PCDHGB5: variants seen among roughly 807,000 people sequenced by gnomAD.
PCDHGB5 encodes protocadherin gamma subfamily B, 5, also known as protocadherin gamma-B5.
Under a neutral mutation model 62.9 loss-of-function variants are expected in PCDHGB5, and 48 were observed. The ratio of observed to expected loss-of-function variants is 0.76; its 90% CI spans 0.61 to 0.97. The LOEUF (loss-of-function observed/expected upper bound fraction) is 0.97, where lower values mean the gene tolerates loss of function less well. Ranked by LOEUF, PCDHGB5 falls within the 50% of genes least tolerant of loss-of-function variation. PCDHGB5 has a pLI of 0.00. For synonymous variants in PCDHGB5, 474 were observed against 511.2 expected, an observed-to-expected ratio of 0.93 and a Z score of 0.98; for missense variants, 1,118 against 1,198.6, an observed-to-expected ratio of 0.93 and a Z score of 0.99.
intron 1 of PCDHGB5, chr5:141,426,908 G>C (rs1047101179): frequency 8.8e-6 from 4 of 456,612 alleles, no homozygotes; most frequent in African/African-American, 6.0e-5. Context: ...CTCATCTCCT[G>C]GTCCTGGAAG....
At position 141,421,975 on chromosome 5, in the gene PCDHGB5, G is replaced by A. The variant is rs1287891140; in HGVS notation, c.2397+21451G>A. 3.1e-6 allele frequency: 5 copies of A among 1,610,050 alleles called. No individual in the cohort carries two copies. The South Asian group carries it at 3.3e-5, about 11-fold the overall frequency. On this transcript the variant is annotated intron_variant, in intron 1 of 3. Coordinates refer to ENST00000617380, the MANE Select transcript of PCDHGB5 (RefSeq NM_018925.3). ...AATGTTTACACAGTCCGTATATCGC[G>A]TGAGTGTTCCAGAAAACATCAGCTC...
chr5:141,439,790 C>G (rs2098131627), intron 1 of PCDHGB5: 2 of 152,248 alleles, frequency 1.3e-5, no homozygotes, highest in Non-Finnish European at 2.9e-5. Flanking sequence ...TTCTATAATC[C>G]AAGAAGAGTT....
intron 1 of PCDHGB5, among the ~76,000 whole-genome samples, chr5:141,463,861 A>G (rs1308802167): frequency 1.3e-5 from 2 of 152,340 alleles, no homozygotes; most frequent in East Asian, 1.9e-4. Context: ...ATCTGGTTTC[A>G]CATGACTGAA....
At chr5:141,463,581 T>TG (rs2099064477) in intron 1 of PCDHGB5, among the ~76,000 whole-genome samples, 1 of 151,502 alleles carries the variant, frequency 6.6e-6, no homozygotes, top group Non-Finnish European at 1.5e-5. Context: ...CCCGAGTAGC[T>TG]GGGACTACAG....
chr5:141,408,345 G>A (rs370026579), intron 1 of PCDHGB5: 3 of 1,613,812 alleles, frequency 1.9e-6, no homozygotes, highest in Non-Finnish European at 2.5e-6. Context: ...TCGGTGGTGG[G>A]GAACCTCGCT....
At chr5:141,429,385 T>A (rs1274446916) in intron 1 of PCDHGB5, among the ~76,000 whole-genome samples, 1 of 151,844 alleles carries the variant, frequency 6.6e-6, no homozygotes, top group Non-Finnish European at 1.5e-5. Flanking sequence ...GTGTTTTTTT[T>A]TTAAAAAAAA....
intron 1 of PCDHGB5, chr5:141,478,470 G>A (rs753075137): frequency 1.2e-6 from 2 of 1,613,686 alleles, no homozygotes; most frequent in Non-Finnish European, 1.7e-6. Context: ...CTGGCCAGCC[G>A]CCAGAACACG....
Position 141,431,954 on chromosome 5 carries a change from G to T in PCDHGB5, c.2397+31430G>T. On this transcript the variant is annotated intron_variant, in intron 1 of 3. Coordinates refer to ENST00000617380, the MANE Select transcript of PCDHGB5 (RefSeq NM_018925.3). The surrounding 1 kb of genome is among the most constrained non-coding windows in gnomAD (Gnocchi z 4.8). Reference sequence around the variant, plus strand: ...GCCCTTTAAATTAGAAAAATCTTACGGAAATTACTATAGTTTAGTCACAGA... The same window carrying T: ...GCCCTTTAAATTAGAAAAATCTTACTGAAATTACTATAGTTTAGTCACAGA... The T allele has an allele frequency of 6.2e-7, 1 of 1,614,110 alleles. No homozygotes were observed. Among genetic ancestry groups the T allele is most frequent in the Non-Finnish European group, 8.5e-7 (1 of 1,180,010 alleles).
chr5:141,486,714 C>G lies in PCDHGB5; in HGVS notation c.2398-8093C>G. On this transcript the variant is annotated intron_variant, in intron 1 of 3. Transcript: ENST00000617380. This position sits in a 1 kb window ranked among gnomAD's most constrained non-coding sequence, Gnocchi z 5.0. ...TCTTTCATCTCTCTGAACCCCCAGA[C>G]AGGAGCTGTTCATGCTACTCGATCC... 1.2e-6 allele frequency: 2 copies of G among 1,614,216 alleles called. No individual in the cohort carries two copies. Among genetic ancestry groups the G allele is most frequent in the African/African-American group, 1.3e-5 (1 of 75,062 alleles).
At chr5:141,423,669 T>C in intron 1 of PCDHGB5, 1 of 1,554,480 alleles carries the variant, frequency 6.4e-7, no homozygotes, top group Non-Finnish European at 8.7e-7. Flanking sequence ...AGGTGAGATT[T>C]ATTTCTCTGC....
intron 1 of PCDHGB5, chr5:141,410,044 C>G: frequency 6.2e-7 from 1 of 1,613,184 alleles, no homozygotes; most frequent in Non-Finnish European, 8.5e-7. Flanking sequence ...CCAGTGAGCC[C>G]GGACTCTTCA....
chr5:141,442,697 G>C (rs1443734141), intron 1 of PCDHGB5, among the ~76,000 whole-genome samples: 2 of 152,258 alleles, frequency 1.3e-5, no homozygotes, highest in East Asian at 1.9e-4. Flanking sequence ...AGGCAGACAA[G>C]AGTATCAGAC....
At position 141,398,675 on chromosome 5, in the gene PCDHGB5, A is replaced by C. The variant is rs1462726875; in HGVS notation, c.548A>C (p.Lys183Thr). 1 of 1,613,974 alleles carries C rather than the reference A, an allele frequency of 6.2e-7. No homozygotes were observed. The highest frequency in any genetic ancestry group is 8.5e-7 in the Non-Finnish European group (1 of 1,179,890). Residue 183 changes from lysine to threonine, a missense_variant, in exon 1 of 4, where the codon AAG becomes ACG. Physicochemically the swap from Lys to Thr is moderately conservative, Grantham distance 78. This residue lies in a region of PCDHGB5 where 1,034 missense variants were observed against 1,029.1 expected (regional missense o/e 1.00). Coordinates refer to ENST00000617380, the MANE Select transcript of PCDHGB5 (RefSeq NM_018925.3). Reference protein sequence around the residue: ...SLNPSFSLIIKEKQDGSKYPE... With the variant: ...SLNPSFSLIITEKQDGSKYPE... Reference sequence around the variant, plus strand: ...AACCCAAGTTTCTCATTAATAATTAAGGAGAAACAGGATGGTAGTAAATAC... The same window carrying C: ...AACCCAAGTTTCTCATTAATAATTACGGAGAAACAGGATGGTAGTAAATAC...
At chr5:141,505,604 G>T (rs772730114) in intron 3 of PCDHGB5, 123 bp downstream of exon 3, 1 of 1,535,418 alleles carries the variant, frequency 6.5e-7, no homozygotes, top group Non-Finnish European at 8.8e-7. Flanking sequence ...CTTTCGGCAG[G>T]TCTGAAAGGA....
rs374154790 is a variant in PCDHGB5, at chr5:141,490,709, C to A, written c.2398-4098C>A. The A allele has an allele frequency of 3.2e-5, 52 of 1,614,218 alleles. No homozygotes were observed. In the African/African-American group the frequency reaches 6.3e-4, roughly 19 times the overall value. On this transcript the variant is annotated intron_variant, in intron 1 of 3. Coordinates refer to ENST00000617380, the MANE Select transcript of PCDHGB5 (RefSeq NM_018925.3). The surrounding 1 kb of genome is among the most constrained non-coding windows in gnomAD (Gnocchi z 5.4). ...GACACTGGGGATAATGCCCGCCTCA[C>A]CTACTCCATTGTAGGAAATCAGGTT...
Position 141,399,104 on chromosome 5 carries a change from A to G in PCDHGB5, c.977A>G (p.Gln326Arg), listed in dbSNP as rs561995889. The change falls in exon 1 of 4, where the codon CAA becomes CGA. Residue 326 changes from glutamine (Q) to arginine (R), a missense_variant. Gln to Arg is a conservative substitution (Grantham distance 43). Coordinates refer to ENST00000617380, the MANE Select transcript of PCDHGB5 (RefSeq NM_018925.3). ...AGGGATGGTGGTGGACTGGTTGCAC[A>G]ATGTACAGTTGAAATTAATATTCAA... ...EGRDGGGLVA[Q>R]CTVEINIQDE... 6.2e-7 allele frequency: 1 copy of G among 1,613,860 alleles called. No individual in the cohort carries two copies. Among genetic ancestry groups the G allele is most frequent in the South Asian group, 1.1e-5 (1 of 91,084 alleles).
chr5:141,417,776 C>T (rs2096161387), intron 1 of PCDHGB5: 1 of 1,469,712 alleles, frequency 6.8e-7, no homozygotes, highest in South Asian at 1.4e-5. Context: ...CTCCTCCTGT[C>T]CTGGGCCGAA....
Position 141,476,591 on chromosome 5 carries a change from G to T in PCDHGB5, c.2398-18216G>T, listed in dbSNP as rs200254399. The T allele has an allele frequency of 6.2e-7, 1 of 1,614,230 alleles. No homozygotes were observed. The highest frequency in any genetic ancestry group is 8.5e-7 in the Non-Finnish European group (1 of 1,180,046). On this transcript the variant is annotated intron_variant, in intron 1 of 3. Transcript: ENST00000617380. The surrounding 1 kb of genome is among the most constrained non-coding windows in gnomAD (Gnocchi z 7.6). The stretch of plus-strand genomic sequence containing the variant: ...GGGGACGCGCTTTCCGCTCGAGAGC[G>T]CGCACGATCCCGATGTGGGAAGCAA...
chr5:141,505,507 A>G, intron 3 of PCDHGB5, 26 bp downstream of exon 3: 1 of 1,614,004 alleles, frequency 6.2e-7, no homozygotes, highest in South Asian at 1.1e-5. Flanking sequence ...GTGTGTATGG[A>G]AGAGTGGGAG....
Sources: gnomAD v4.1 joint callset for allele counts (sites outside exome capture counted in the v4.1 genomes callset) on GRCh38, gnomAD v4.1.1 for gene constraint, gnomAD v4.1.1 regional missense constraint, Gnocchi (gnomAD v3.1) non-coding constraint, MANE v1.5 for transcripts, NCBI Gene and HGNC (gene_info 2026-07-23, HGNC 2026-07-21) for gene names.